The following BAZ2B variants were observed in gnomAD, a reference collection of about 807,000 sequenced individuals.
BAZ2B encodes bromodomain adjacent to zinc finger domain protein 2B.
Under a neutral mutation model 246.0 loss-of-function variants are expected in BAZ2B, and 91 were observed. The observed-to-expected ratio is 0.37, with a 90% CI of 0.31 to 0.44. The LOEUF is 0.44. Ranked by LOEUF, BAZ2B falls within the 20% of genes least tolerant of loss-of-function variation. The pLI is 1.00. For synonymous variants in BAZ2B, 855 were observed against 860.0 expected (o/e 0.99, Z 0.10); for missense variants, 2,332 against 2,533.7 (o/e 0.92, Z 1.71).
In BAZ2B at chr2:159,347,554, C is replaced by T; in HGVS notation, c.5386G>A (p.Asp1796Asn). 6.2e-7 allele frequency: 1 copy of T among 1,613,830 alleles called. No individual in the cohort carries two copies. Among genetic ancestry groups the T allele is most frequent in the Non-Finnish European group, 8.5e-7 (1 of 1,179,834 alleles). ...TCTACCTGTTGAAGGACACTCAAAT[C>T]CATTTCCATTGCTTGTTCTTCTACT... is the stretch of plus-strand genomic sequence containing the variant. ...WSVEEQAMEM[D>N]LSVLQQVEDL... is the part of the protein sequence containing the mutation. Residue 1796 changes from aspartate to asparagine, a missense_variant, in exon 31 of 37, where the codon GAT (aspartate) becomes AAT (asparagine). By Grantham distance (23) the Asp-to-Asn change is conservative. Coordinates refer to ENST00000392783, the MANE Select transcript of BAZ2B (RefSeq NM_013450.4).
intron 2 of BAZ2B, among the ~76,000 whole-genome samples, chr2:159,509,029 G>C (rs1559650025): frequency 6.6e-6 from 1 of 152,130 alleles, no homozygotes; most frequent in African/African-American, 2.4e-5. Flanking sequence ...TCTATGAAAA[G>C]ATAGGTAAAC....
chr2:159,609,655 T>C (rs891438563), intron 1 of BAZ2B, among the ~76,000 whole-genome samples: 4 of 152,216 alleles, frequency 2.6e-5, no homozygotes, highest in Non-Finnish European at 5.9e-5. Flanking sequence ...ACATGACCTT[T>C]TACACTTGTT....
chr2:159,504,658 A>T (rs933410284), intron 2 of BAZ2B, among the ~76,000 whole-genome samples: 6 of 152,222 alleles, frequency 3.9e-5, no homozygotes, highest in African/African-American at 1.2e-4. Flanking sequence ...TACTAAAAAC[A>T]CATCAATACC....
At chr2:159,473,501 C>T (rs2078104231) in intron 3 of BAZ2B, among the ~76,000 whole-genome samples, 1 of 151,998 alleles carries the variant, frequency 6.6e-6, no homozygotes, top group Non-Finnish European at 1.5e-5. Flanking sequence ...TTGATCTTTT[C>T]AAAAAACCAG....
chr2:159,347,547 C>G lies in BAZ2B; in HGVS notation c.5393G>C (p.Ser1798Thr), dbSNP rs1375218723. 1 of 1,613,760 alleles carries G rather than the reference C, an allele frequency of 6.2e-7. No individual in the cohort carries two copies. Among genetic ancestry groups the G allele is most frequent in the Non-Finnish European group, 8.5e-7 (1 of 1,179,866 alleles). Reference sequence around the variant, plus strand: ...TAGATCTTCTACCTGTTGAAGGACACTCAAATCCATTTCCATTGCTTGTTC... The same window carrying G: ...TAGATCTTCTACCTGTTGAAGGACAGTCAAATCCATTTCCATTGCTTGTTC... Reference protein sequence around the residue: ...VEEQAMEMDLSVLQQVEDLER... With the variant: ...VEEQAMEMDLTVLQQVEDLER... The change falls in exon 31 of 37, where the codon AGT (serine) becomes ACT (threonine). Residue 1798 changes from serine to threonine, a missense_variant. Physicochemically the swap from Ser to Thr is moderately conservative, Grantham distance 58. Around this residue, in one of 9 missense-constraint regions of BAZ2B, gnomAD observed 676 missense variants for 668.6 expected, o/e 1.01. Transcript: ENST00000392783.
chr2:159,609,530 A>G (rs1212621401), intron 1 of BAZ2B, among the ~76,000 whole-genome samples: 1 of 152,186 alleles, frequency 6.6e-6, no homozygotes, highest in Non-Finnish European at 1.5e-5. Flanking sequence ...ATATTTCCAA[A>G]TCCAGGATAA....
intron 35 of BAZ2B, 49 bp from the exon 36 acceptor site, chr2:159,325,003 T>C (rs1355475396): frequency 4.3e-6 from 5 of 1,171,562 alleles, no homozygotes; most frequent in Admixed American, 3.5e-5. Flanking sequence ...ACAACTGTCT[T>C]ATTTTTTAAT....
chr2:159,350,997 T>C (rs1039992374), intron 27 of BAZ2B, among the ~76,000 whole-genome samples: 13 of 152,180 alleles, frequency 8.5e-5, no homozygotes, highest in African/African-American at 2.9e-4. Context: ...GCATGGCACA[T>C]GTATACATAT....
chr2:159,671,051 T>C, the BAZ2B span, among the ~76,000 whole-genome samples: 8 of 152,244 alleles, frequency 5.3e-5, 1 homozygote, highest in South Asian at 1.0e-3. Context: ...TTCATAATTT[T>C]TTCTTTATCT....
chr2:159,511,120 G>A (rs1486665190), intron 2 of BAZ2B, among the ~76,000 whole-genome samples: 1 of 152,044 alleles, frequency 6.6e-6, no homozygotes, highest in Non-Finnish European at 1.5e-5. Flanking sequence ...TTTTATACTT[G>A]CACAAATACA....
rs1244814595 is a variant in BAZ2B, at chr2:159,349,117, C to T, written c.5027G>A (p.Ser1676Asn). The T allele has an allele frequency of 6.2e-7, 1 of 1,614,066 alleles. No individual in the cohort carries two copies. The highest frequency in any genetic ancestry group is 8.5e-7 in the Non-Finnish European group (1 of 1,179,986). Reference protein sequence around the residue: ...NSFLTSNVASSKSESPVPQNE... With the variant: ...NSFLTSNVASNKSESPVPQNE... ...CTGTGGTACTGGAGATTCACTTTTA[C>T]TTGAAGCAACATTGGAAGTCAAGAA... The change falls in exon 29 of 37, where the codon AGT (serine) becomes AAT (asparagine). Residue 1676 changes from serine (S) to asparagine (N), a missense_variant. Physicochemically the swap from Ser to Asn is conservative, Grantham distance 46. Coordinates refer to ENST00000392783, the MANE Select transcript of BAZ2B (RefSeq NM_013450.4).
At chr2:159,509,546 A>G (rs781196286) in intron 2 of BAZ2B, among the ~76,000 whole-genome samples, 9 of 152,184 alleles carry the variant, frequency 5.9e-5, no homozygotes, top group Non-Finnish European at 8.8e-5. Flanking sequence ...GTATTCATTC[A>G]GCCTAATCTT....
At chr2:159,545,393 C>G (rs1408927521) in intron 2 of BAZ2B, among the ~76,000 whole-genome samples, 1 of 152,148 alleles carries the variant, frequency 6.6e-6, no homozygotes, top group African/African-American at 2.4e-5. Context: ...AAGACAAAAA[C>G]TGATTATCTA....
At chr2:159,359,649 C>CA (rs1236393421) in intron 27 of BAZ2B, among the ~76,000 whole-genome samples, 1 of 151,910 alleles carries the variant, frequency 6.6e-6, no homozygotes, top group Non-Finnish European at 1.5e-5. Context: ...GGCAGAAACA[C>CA]AAAAAAAGAA....
At chr2:159,560,717 G>A (rs2089756643) in intron 1 of BAZ2B, among the ~76,000 whole-genome samples, 1 of 151,850 alleles carries the variant, frequency 6.6e-6, no homozygotes. Context: ...TAGTAGAGAC[G>A]GGATTTCACC....
the BAZ2B span, among the ~76,000 whole-genome samples, chr2:159,655,784 G>T: frequency 2.0e-5 from 3 of 152,094 alleles, no homozygotes; most frequent in Admixed American, 1.3e-4. Context: ...TTAAGCTCTA[G>T]AATTTCTATT....
At chr2:159,392,801 A>C (rs1468893322) in intron 20 of BAZ2B, among the ~76,000 whole-genome samples, 1 of 152,190 alleles carries the variant, frequency 6.6e-6, no homozygotes, top group African/African-American at 2.4e-5. Context: ...AAATTAAGGT[A>C]ACATTTTGAA....
rs201159129 is a variant in BAZ2B, at chr2:159,347,607, A to G, written c.5333T>C (p.Val1778Ala). The G allele has an allele frequency of 8.0e-4, 1,288 of 1,612,392 alleles. No homozygotes were observed. Among genetic ancestry groups the G allele is most frequent in the Non-Finnish European group, 1.0e-3 (1,217 of 1,178,870 alleles). Residue 1778 changes from valine (V) to alanine (A), a missense_variant, in exon 31 of 37, where the codon GTA becomes GCA. Physicochemically the swap from Val to Ala is moderately conservative, Grantham distance 64. Transcript: ENST00000392783. ...IELNENEENQ[V>A]TRDIVENWSV... The stretch of plus-strand genomic sequence containing the variant: ...CCAGTTCTCCACAATATCTCGAGTT[A>G]CTTGGTTTTCTTCATTTTCATTCAG...
intron 1 of BAZ2B, among the ~76,000 whole-genome samples, chr2:159,580,264 A>G (rs1404917617): frequency 7.9e-5 from 12 of 152,232 alleles, no homozygotes; most frequent in Non-Finnish European, 1.8e-4. Flanking sequence ...AAGCATTCCT[A>G]TATACCAATA....
Sources: allele counts gnomAD v4.1 joint callset (sites outside exome capture counted in the v4.1 genomes callset), GRCh38; gene constraint gnomAD v4.1.1; regional missense constraint gnomAD v4.1.1; transcripts MANE v1.5; gene names NCBI Gene and HGNC (gene_info 2026-07-23, HGNC 2026-07-21).